Variants in RGL3 observed in about 807,000 individuals in gnomAD.
RGL3 encodes ral guanine nucleotide dissociation stimulator-like 3.
A neutral mutation model predicts 90.6 loss-of-function variants in RGL3; 85 were observed. That is an observed-to-expected ratio of 0.94 (90% CI 0.79 to 1.12). The LOEUF (loss-of-function observed/expected upper bound fraction) is 1.12. Ranked by LOEUF, RGL3 falls within the 50% of genes most tolerant of loss-of-function variation. The probability of loss-of-function intolerance (pLI) is 0.00; values close to 1 mark genes in which losing one functional copy is unlikely to be tolerated. For missense variants in RGL3, 1,034 were observed against 939.2 expected (o/e 1.10, Z -1.32); for synonymous variants, 408 against 385.5 (o/e 1.06, Z -0.68).
chr19:11,414,215 TTATATATATATACCTTTA>T (rs1250296404), intron 5 of RGL3, among the ~76,000 whole-genome samples: 151 of 74,564 alleles, frequency 2.0e-3, no homozygotes, highest in East Asian at 0.014. Context: ...ATATATACCT[TTATATATATATACCTTTA>T]TATATATATA....
In RGL3 at chr19:11,406,767, G is replaced by T. The variant is rs757123580; in HGVS notation, c.735C>A (p.Asp245Glu). 1 of 1,613,982 alleles carries T rather than the reference G, an allele frequency of 6.2e-7. No homozygotes were observed. Among genetic ancestry groups the T allele is most frequent in the Non-Finnish European group, 8.5e-7 (1 of 1,180,038 alleles). Residue 245 changes from aspartate (D) to glutamate (E), a missense_variant, in exon 6 of 19, where the codon GAC (aspartate) becomes GAA (glutamate). Coordinates refer to ENST00000380456, the MANE Select transcript of RGL3 (RefSeq NM_001035223.4). ...GLMPQGPQLL[D>E]FSVDEVAEQL... ...GCTCGGCCACCTCGTCCACGCTGAA[G>T]TCCAGGAGCTGGGGACCTTGAGGCA...
chr19:11,404,162 C>T (rs541642934), intron 9 of RGL3, among the ~76,000 whole-genome samples: 13 of 152,144 alleles, frequency 8.5e-5, no homozygotes, highest in African/African-American at 2.4e-4. Context: ...GGATTATAGG[C>T]GTGAGTCACT....
At chr19:11,400,436 G>A in intron 13 of RGL3, 139 bp from the exon 14 acceptor site, 3 of 625,828 alleles carry the variant, frequency 4.8e-6, no homozygotes, top group Non-Finnish European at 7.9e-6. Context: ...GCCAGGGTCA[G>A]GGTGGTAAAT....
In RGL3 at chr19:11,418,753, T is replaced by C. The variant is rs770859229; in HGVS notation, c.65A>G (p.Glu22Gly). Residue 22 changes from glutamate (E) to glycine (G), a missense_variant, in exon 2 of 19, where the codon GAG becomes GGG. Coordinates refer to ENST00000380456, the MANE Select transcript of RGL3 (RefSeq NM_001035223.4). ...APLQDWGEETEDGAVYSVSLR... is the reference protein window; with the variant it reads ...APLQDWGEETGDGAVYSVSLR... ...GGAGACACTGTACACCGCGCCGTCCTCGGTCTCTTCACCCCAGTCCTGCAG... is the reference window on the plus strand; with the variant it reads ...GGAGACACTGTACACCGCGCCGTCCCCGGTCTCTTCACCCCAGTCCTGCAG... 3.8e-6 allele frequency: 6 copies of C among 1,571,712 alleles called. No homozygotes were observed. Among genetic ancestry groups the C allele is most frequent in the Non-Finnish European group, 4.3e-6 (5 of 1,162,646 alleles).
chr19:11,402,828 C>G, intron 9 of RGL3, 122 bp from the exon 10 acceptor site: 1 of 856,770 alleles, frequency 1.2e-6, no homozygotes, highest in Non-Finnish European at 1.8e-6. Context: ...CAGTGGTAGG[C>G]CAGGTGCGAT....
chr19:11,402,090 AGC>A lies in RGL3; in HGVS notation c.1403_1404del (p.Arg468LeufsTer35). ...ILARIQQLQR[R>X]CQSYTLSPHP... ...TGGGGGCTCAGGGTGTAGCTCTGAC[AGC>A]GCCTCTGCAGCTGCTGGATGCGGGC... is the stretch of plus-strand genomic sequence containing the variant. On this transcript the variant is annotated frameshift_variant, in exon 13 of 19. Coordinates refer to ENST00000380456, the MANE Select transcript of RGL3 (RefSeq NM_001035223.4). LOFTEE classifies it high-confidence loss of function. The A allele has an allele frequency of 6.3e-7, 1 of 1,595,676 alleles. No homozygotes were observed. Among genetic ancestry groups the A allele is most frequent in the Non-Finnish European group, 8.5e-7 (1 of 1,171,136 alleles).
rs563738527 is a variant in RGL3, at chr19:11,408,808, G to A, written c.638-1944C>T. On this transcript the variant is annotated intron_variant, in intron 5 of 18. Coordinates refer to ENST00000380456, the MANE Select transcript of RGL3 (RefSeq NM_001035223.4). ...AGGTAGTGACTTATCTCAATTGATT[G>A]TTCACAGTTACAGATCGAACTCCTT... 4.6e-5 allele frequency: 7 copies of A among 152,230 alleles called. No homozygotes were observed. In the East Asian group the frequency reaches 1.4e-3, roughly 29 times the overall value. 9.4% of individuals were successfully genotyped at this position (152,230 alleles called of 1,614,324 possible).
At chr19:11,416,778 G>T (rs778737991) in intron 3 of RGL3, 58 bp downstream of exon 3, 2 of 1,597,530 alleles carry the variant, frequency 1.3e-6, no homozygotes, top group South Asian at 1.1e-5. Context: ...GAGGTGGAGG[G>T]GGGTGCCCAG....
At chr19:11,411,069 C>T (rs1409243555) in intron 5 of RGL3, among the ~76,000 whole-genome samples, 2 of 151,764 alleles carry the variant, frequency 1.3e-5, no homozygotes, top group East Asian at 1.9e-4. Flanking sequence ...ATTAGCTGGG[C>T]GTGTTGGTGG....
Position 11,414,765 on chromosome 19 carries a change from G to C in RGL3, c.637+1172C>G, listed in dbSNP as rs1398475763. ...AATCTGTGTTGTTCCTGCCCCTGGG[G>C]ACAGAGCTGGGAGCAAGAACAACAG... On this transcript the variant is annotated intron_variant, in intron 5 of 18. Transcript: ENST00000380456. 9.9e-5 allele frequency among the ~76,000 whole-genome samples: 15 copies of C among 151,626 alleles called. No individual in the cohort carries two copies. The Admixed American group carries it at 9.9e-4, about 10-fold the overall frequency.
chr19:11,417,126 C>A, intron 2 of RGL3, 67 bp from the exon 3 acceptor site: 33 of 1,035,428 alleles, frequency 3.2e-5, no homozygotes, highest in Non-Finnish European at 4.5e-5. Flanking sequence ...TCTCTAGTCA[C>A]ATTCATCACT....
rs770820115 is a variant in RGL3 at position 11,418,655 on chromosome 19, C to T, written c.147+16G>A. The T allele has an allele frequency of 2.4e-5, 37 of 1,534,280 alleles. No homozygotes were observed. In the Admixed American group the frequency reaches 7.1e-4, roughly 29 times the overall value. ...TCGCTTCCGGCCCCGCGCCACCCAC[C>T]AAACCCCCTCCTCACCTGGCTGCCC... On this transcript the variant is annotated intron_variant, in intron 2 of 18. Coordinates refer to ENST00000380456, the MANE Select transcript of RGL3 (RefSeq NM_001035223.4).
In RGL3 at chr19:11,398,949, G is replaced by A. The variant is rs545641320; in HGVS notation, c.1746+906C>T. 9.2e-5 allele frequency among the ~76,000 whole-genome samples: 14 copies of A among 152,088 alleles called. No individual in the cohort carries two copies. The South Asian group carries it at 1.0e-3, about 11-fold the overall frequency. On this transcript the variant is annotated intron_variant, in intron 16 of 18. Coordinates refer to ENST00000380456, the MANE Select transcript of RGL3 (RefSeq NM_001035223.4). The stretch of plus-strand genomic sequence containing the variant: ...CTCCCAGAGTGCTGGGATTACAGGC[G>A]TGAGCCACCGTGCCCAGTCTCTTTT...
rs1272717262 is a variant in RGL3, at chr19:11,400,072, C to G, written c.1617G>C (p.Gly539=). 6.2e-7 allele frequency: 1 copy of G among 1,610,240 alleles called. No homozygotes were observed. The highest frequency in any genetic ancestry group is 8.5e-7 in the Non-Finnish European group (1 of 1,178,640). ...LAREKSSSPS[G]SPGDPSSPTS... ...TGGGGGATGAGGGGTCCCCGGGACT[C>G]CCACTAGGTGATGAGCTTTTCTCTC... Residue 539 remains glycine (G), a synonymous_variant, in exon 15 of 19, where the codon GGG becomes GGC. Coordinates refer to ENST00000380456, the MANE Select transcript of RGL3 (RefSeq NM_001035223.4).
Position 11,416,036 on chromosome 19 carries a change from G to T in RGL3, c.538C>A (p.Pro180Thr). Reference sequence around the variant, plus strand: ...GCTTTTTGAGCCTCAGCACTCCCTGGGGCCGCCCAGCCCAGAAAGGTTCGG... The same window carrying T: ...GCTTTTTGAGCCTCAGCACTCCCTGTGGCCGCCCAGCCCAGAAAGGTTCGG... ...SVRTFLGWAAPGSAEAQKAEK... is the reference protein window; with the variant it reads ...SVRTFLGWAATGSAEAQKAEK... The change falls in exon 5 of 19, where the codon CCA becomes ACA. Residue 180 changes from proline to threonine, a missense_variant. Physicochemically the swap from Pro to Thr is conservative, Grantham distance 38 (BLOSUM62 -1). Transcript: ENST00000380456. The T allele has an allele frequency of 6.2e-7, 1 of 1,613,850 alleles. No homozygotes were observed. Among genetic ancestry groups the T allele is most frequent in the South Asian group, 1.1e-5 (1 of 91,060 alleles).
chr19:11,418,809 C>T (rs1358917419), intron 1 of RGL3, 25 bp from the exon 2 acceptor site: 1 of 1,524,772 alleles, frequency 6.6e-7, no homozygotes. Context: ...GGACTCAGGG[C>T]ACCAAAGGGG....
chr19:11,395,405 G>A (rs1968547585), intron 18 of RGL3, among the ~76,000 whole-genome samples: 1 of 152,170 alleles, frequency 6.6e-6, no homozygotes, highest in South Asian at 2.1e-4. Context: ...CTGTCAGACA[G>A]GACAATCTCA....
intron 5 of RGL3, among the ~76,000 whole-genome samples, chr19:11,412,987 T>TAAATA (rs951941344): frequency 9.7e-4 from 147 of 151,172 alleles, no homozygotes; most frequent in African/African-American, 3.2e-3. Context: ...AAAGTAAAAA[T>TAAATA]AAATAAAATA....
chr19:11,397,440 C>A lies in RGL3; in HGVS notation c.1899+5G>T, dbSNP rs1054441620. ...CTCCAGCAGACCCCCAGCCCAGCCC[C>A]TCACCAAGATGCTTCGATACAGGTT... is the stretch of plus-strand genomic sequence containing the variant. On this transcript the variant is annotated splice_donor_5th_base_variant and intron_variant, in intron 17 of 18. Coordinates refer to ENST00000380456, the MANE Select transcript of RGL3 (RefSeq NM_001035223.4). 1.9e-5 allele frequency: 31 copies of A among 1,601,620 alleles called. No individual in the cohort carries two copies. The highest frequency in any genetic ancestry group is 2.6e-5 in the Non-Finnish European group (31 of 1,172,180).
Sources: gnomAD v4.1 joint callset for allele counts (sites outside exome capture counted in the v4.1 genomes callset) on GRCh38, gnomAD v4.1.1 for gene constraint, MANE v1.5 for transcripts, NCBI Gene and HGNC (gene_info 2026-07-23, HGNC 2026-07-21) for gene names.